The following KCNG2 variants were observed in gnomAD, a reference collection of about 807,000 sequenced individuals.
KCNG2 encodes voltage-gated potassium channel regulatory subunit KCNG2.
In KCNG2, 7 loss-of-function variants were observed where a neutral mutation model predicts 12.3. That is an observed-to-expected ratio of 0.57 (90% CI 0.32 to 1.07). The LOEUF is 1.07. Among genes scored for constraint, KCNG2 ranks in the 50% least tolerant of loss-of-function variants. KCNG2 has a pLI of 0.04. For synonymous variants in KCNG2, 414 were observed against 351.4 expected (o/e 1.18, Z -1.99); for missense variants, 703 against 726.0 (o/e 0.97, Z 0.36).
intron 1 of KCNG2, among the ~76,000 whole-genome samples, chr18:79,845,303 C>T (rs117469229): frequency 0.027 from 4,130 of 152,184 alleles, 76 homozygotes; most frequent in Middle Eastern, 0.061. Flanking sequence ...GCTGTGAATC[C>T]GCAGGAGGGA....
intron 1 of KCNG2, among the ~76,000 whole-genome samples, chr18:79,807,744 T>C (rs2087461732): frequency 6.6e-6 from 1 of 152,250 alleles, no homozygotes; most frequent in South Asian, 2.1e-4. Context: ...GCACTCCATG[T>C]TATATGCCCA....
intron 1 of KCNG2, among the ~76,000 whole-genome samples, chr18:79,851,159 T>A (rs1183893559): frequency 1.3e-5 from 2 of 152,136 alleles, no homozygotes; most frequent in Non-Finnish European, 2.9e-5. Flanking sequence ...ACAATGCTTG[T>A]TTATATACAA....
chr18:79,848,641 G>T (rs2123045535), intron 1 of KCNG2, among the ~76,000 whole-genome samples: 1 of 152,356 alleles, frequency 6.6e-6, no homozygotes, highest in Admixed American at 6.5e-5. Flanking sequence ...GGACGCAGTG[G>T]AACCCACAGC....
chr18:79,868,581 C>T (rs1022339950), intron 3 of KCNG2, among the ~76,000 whole-genome samples: 2 of 152,184 alleles, frequency 1.3e-5, no homozygotes, highest in Non-Finnish European at 2.9e-5. Context: ...TGAGAATTGG[C>T]GTGTTGGTGA....
At chr18:79,878,176 T>C (rs1304008683) in intron 3 of KCNG2, among the ~76,000 whole-genome samples, 2 of 152,274 alleles carry the variant, frequency 1.3e-5, no homozygotes, top group Admixed American at 6.5e-5. Context: ...CTTTCTGGTC[T>C]TTTCCTATTG....
chr18:79,850,941 C>T (rs1224220096), intron 1 of KCNG2, among the ~76,000 whole-genome samples: 2 of 152,202 alleles, frequency 1.3e-5, no homozygotes, highest in African/African-American at 4.8e-5. Flanking sequence ...TTCCAGCTCT[C>T]ATGCCGAACA....
At chr18:79,896,109 G>T (rs1377390639) in intron 3 of KCNG2, among the ~76,000 whole-genome samples, 1 of 152,156 alleles carries the variant, frequency 6.6e-6, no homozygotes, top group Non-Finnish European at 1.5e-5. Flanking sequence ...GGGATTATAG[G>T]CGCATGCCAC....
chr18:79,806,802 ACCACT>A (rs2087453110), intron 1 of KCNG2, among the ~76,000 whole-genome samples: 1 of 152,156 alleles, frequency 6.6e-6, no homozygotes, highest in Admixed American at 6.5e-5. Context: ...GGGCTTCAAA[ACCACT>A]CCACGCAAAA....
intron 1 of KCNG2, among the ~76,000 whole-genome samples, chr18:79,799,712 A>G (rs539571664): frequency 1.3e-5 from 2 of 152,330 alleles, no homozygotes; most frequent in Admixed American, 1.3e-4. Flanking sequence ...AAAAGGAGGG[A>G]AGTGAGTTCT....
chr18:79,852,996 G>A (rs1200705125), intron 1 of KCNG2, among the ~76,000 whole-genome samples: 1 of 152,262 alleles, frequency 6.6e-6, no homozygotes, highest in Non-Finnish European at 1.5e-5. Context: ...GCCCTGGGCT[G>A]GACACGGCAC....
At chr18:79,898,121 C>T (rs979059258) in intron 3 of KCNG2, among the ~76,000 whole-genome samples, 2 of 152,184 alleles carry the variant, frequency 1.3e-5, no homozygotes, top group Non-Finnish European at 2.9e-5. Context: ...ACCACCACCT[C>T]CAATAGCGTT....
chr18:79,895,705 G>A (rs1041854968), intron 3 of KCNG2, among the ~76,000 whole-genome samples: 2 of 151,690 alleles, frequency 1.3e-5, no homozygotes, highest in African/African-American at 4.8e-5. Context: ...GTCTGTGTCT[G>A]CTTTTGATTG....
chr18:79,820,345 T>C (rs1217606970), intron 1 of KCNG2, among the ~76,000 whole-genome samples: 1 of 152,170 alleles, frequency 6.6e-6, no homozygotes, highest in East Asian at 1.9e-4. Flanking sequence ...CTGAGCCAGA[T>C]GTTGATGCTG....
In KCNG2 at chr18:79,822,753, C is replaced by T. The variant is rs536277736; in HGVS notation, c.-115+24739C>T. Among the ~76,000 whole-genome samples the T allele has an allele frequency of 6.6e-6, 1 of 152,296 alleles. No individual in the cohort carries two copies. Among genetic ancestry groups the T allele is most frequent in the African/African-American group, 2.4e-5 (1 of 41,558 alleles). ...CTTCAAACGTGTGCTGTGCTCACCC[C>T]GAGAGACTGGAGCCTGCTGCGTGTG... On this transcript the variant is annotated intron_variant, in intron 1 of 3. Transcript: ENST00000316249. This position sits in a 1 kb window ranked among gnomAD's most constrained non-coding sequence, Gnocchi z 4.4.
At chr18:79,883,281 C>CG (rs1415605349) in intron 3 of KCNG2, among the ~76,000 whole-genome samples, 2 of 148,292 alleles carry the variant, frequency 1.3e-5, no homozygotes, top group South Asian at 2.2e-4. Flanking sequence ...CAGGGAACGG[C>CG]GGGGGGAAGC....
chr18:79,809,523 C>A (rs866502030), intron 1 of KCNG2, among the ~76,000 whole-genome samples: 1,875 of 73,792 alleles, frequency 0.025, 177 homozygotes, highest in African/African-American at 0.1. Context: ...GCTGCCGGGG[C>A]CGCGCTGACC....
chr18:79,851,571 A>G (rs992913509), intron 1 of KCNG2, among the ~76,000 whole-genome samples: 9 of 152,164 alleles, frequency 5.9e-5, no homozygotes, highest in African/African-American at 2.2e-4. Context: ...GTGACCTGAT[A>G]GCCTTTTCAA....
intron 3 of KCNG2, among the ~76,000 whole-genome samples, chr18:79,867,594 C>CT (rs200023259): frequency 1.8e-4 from 15 of 85,448 alleles, no homozygotes; most frequent in Middle Eastern, 8.1e-3. Context: ...TGTGTCGTGT[C>CT]TGGGGGGGGA....
At chr18:79,880,690 A>C (rs1568268887) in intron 3 of KCNG2, among the ~76,000 whole-genome samples, 1 of 152,202 alleles carries the variant, frequency 6.6e-6, no homozygotes, top group Non-Finnish European at 1.5e-5. Flanking sequence ...CTCATGCGAA[A>C]CTCCTCAACA....
Sources: allele counts gnomAD v4.1 joint callset (sites outside exome capture counted in the v4.1 genomes callset), GRCh38; gene constraint gnomAD v4.1.1; non-coding constraint Gnocchi (gnomAD v3.1); transcripts MANE v1.5; gene names NCBI Gene and HGNC (gene_info 2026-07-23, HGNC 2026-07-21).